VPS54: variants seen among roughly 807,000 people sequenced by gnomAD.
The protein encoded by VPS54 is vacuolar protein sorting-associated protein 54.
Under a neutral mutation model 121.5 loss-of-function variants are expected in VPS54, and 45 were observed. The observed-to-expected ratio is 0.37, with a 90% CI of 0.29 to 0.47. The LOEUF (loss-of-function observed/expected upper bound fraction) is 0.47, where lower values mean the gene tolerates loss of function less well. Among genes scored for constraint, VPS54 ranks in the 20% least tolerant of loss-of-function variants. VPS54 has a pLI of 0.99. For synonymous variants in VPS54, 371 were observed against 385.8 expected, an observed-to-expected ratio of 0.96 and a Z score of 0.45; for missense variants, 1,090 against 1,131.4, an observed-to-expected ratio of 0.96 and a Z score of 0.52.
Position 63,962,566 on chromosome 2 carries a change from T to C in VPS54, c.625-123A>G, listed in dbSNP as rs1204806990. On this transcript the variant is annotated intron_variant, in intron 6 of 22. Transcript: ENST00000272322. ...TTTAAATTCCATTGTGTGAATTGTT[T>C]GATTGTGAGATCCTTGAAATTGGGC... 2.5e-6 allele frequency: 3 copies of C among 1,223,552 alleles called. No homozygotes were observed. The African/African-American group carries it at 4.6e-5, about 19-fold the overall frequency. The allele number at this position is 1,223,552 out of a possible 1,614,324, so 75.8% of individuals were successfully genotyped here.
intron 1 of VPS54, among the ~76,000 whole-genome samples, chr2:63,996,074 A>C (rs1015386629): frequency 3.3e-5 from 5 of 152,208 alleles, no homozygotes; most frequent in African/African-American, 7.2e-5. Context: ...CCTGCGTCAA[A>C]ATCGAGAGAA....
At chr2:63,931,295 A>AT (rs1199288075) in intron 12 of VPS54, among the ~76,000 whole-genome samples, 1 of 152,236 alleles carries the variant, frequency 6.6e-6, no homozygotes, top group Non-Finnish European at 1.5e-5. Flanking sequence ...TGATACCGGT[A>AT]CCAAAACAGA....
At chr2:63,902,169 A>G (rs1204023858) in intron 20 of VPS54, among the ~76,000 whole-genome samples, 1 of 152,230 alleles carries the variant, frequency 6.6e-6, no homozygotes, top group Non-Finnish European at 1.5e-5. Flanking sequence ...TGGAGACCAG[A>G]CAAGAAGAAC....
Position 63,968,863 on chromosome 2 carries a change from C to CAAA in VPS54, c.492+91_492+93dup, listed in dbSNP as rs34977697. The CAAA allele has an allele frequency of 5.4e-3, 4,979 of 913,584 alleles. 172 individuals carry two copies. In the African/African-American group the frequency reaches 0.086, roughly 16 times the overall value. The allele number at this position is 913,584 out of a possible 1,614,324, so 56.6% of individuals were successfully genotyped here. A position where few individuals can be genotyped will look rare whatever the true frequency, so the allele number is the denominator to read the frequency against. On this transcript the variant is annotated intron_variant, in intron 5 of 22. Coordinates refer to ENST00000272322, the MANE Select transcript of VPS54 (RefSeq NM_016516.3). ...ACAAGAGACAAAGTAGCCAAAGGGT[C>CAAA]AAAAAAAAAAAAAAGCCAAATGAAA...
intron 20 of VPS54, among the ~76,000 whole-genome samples, chr2:63,901,703 T>C (rs570477562): frequency 4.6e-5 from 7 of 152,162 alleles, no homozygotes; most frequent in South Asian, 4.2e-4. Flanking sequence ...GGTCACGGTG[T>C]GAAGCCAGGA....
intron 16 of VPS54, among the ~76,000 whole-genome samples, chr2:63,914,922 T>A (rs1223253729): frequency 2.0e-5 from 3 of 151,442 alleles, no homozygotes; most frequent in East Asian, 3.9e-4. Context: ...TCACTGGAGG[T>A]CGGGAGTTCG....
intron 12 of VPS54, 57 bp from the exon 13 acceptor site, chr2:63,921,392 C>T (rs1169093001): frequency 1.9e-6 from 3 of 1,552,404 alleles, no homozygotes; most frequent in South Asian, 1.2e-5. Context: ...GTATTCTCCA[C>T]AGGTGACCTA....
chr2:63,963,055 T>A (rs1038426490), intron 6 of VPS54, among the ~76,000 whole-genome samples: 7 of 152,172 alleles, frequency 4.6e-5, no homozygotes, highest in Non-Finnish European at 1.0e-4. Flanking sequence ...TATTATACCA[T>A]TCTGCCTCAA....
At chr2:63,945,351 A>C (rs1194050910) in intron 9 of VPS54, among the ~76,000 whole-genome samples, 3 of 152,210 alleles carry the variant, frequency 2.0e-5, no homozygotes, top group African/African-American at 7.2e-5. Context: ...GAGAACACAC[A>C]GACACATAGA....
Position 63,898,969 on chromosome 2 carries a change from C to CT in VPS54, c.2733+504dup, listed in dbSNP as rs560743612. Among the ~76,000 whole-genome samples, 129 of 152,206 alleles carry CT rather than the reference C, an allele frequency of 8.5e-4. 1 individual carries two copies. Among genetic ancestry groups the CT allele is most frequent in the African/African-American group, 3.1e-3 (127 of 41,524 alleles). ...CTTCATAGCTGAGAGGTGTCAAAGA[C>CT]TCCCCCACCCTCCATTTTGCTCTTT... On this transcript the variant is annotated intron_variant, in intron 21 of 22. Coordinates refer to ENST00000272322, the MANE Select transcript of VPS54 (RefSeq NM_016516.3).
In VPS54 at chr2:63,892,589, G is replaced by A. The variant is rs1672266106; in HGVS notation, c.*841C>T. 6.6e-6 allele frequency: 1 copy of A among 152,478 alleles called. No individual in the cohort carries two copies. Among genetic ancestry groups the A allele is most frequent in the Non-Finnish European group, 1.5e-5 (1 of 68,000 alleles). The allele number at this position is 152,478 out of a possible 1,614,324, so 9.4% of individuals were successfully genotyped here. On this transcript the variant is annotated 3_prime_UTR_variant, in exon 23 of 23. Transcript: ENST00000272322. ...GAACTCAAAAGTAGGCAGATTATATGAATACATATTCTTACCTCTGCTACA... is the reference window on the plus strand; with the variant it reads ...GAACTCAAAAGTAGGCAGATTATATAAATACATATTCTTACCTCTGCTACA...
chr2:63,935,002 G>C (rs1298793051), intron 11 of VPS54, among the ~76,000 whole-genome samples: 2 of 152,146 alleles, frequency 1.3e-5, no homozygotes, highest in Non-Finnish European at 2.9e-5. Flanking sequence ...TAGGGAAGCA[G>C]ACTCTAACTT....
intron 1 of VPS54, among the ~76,000 whole-genome samples, chr2:63,990,526 C>T (rs975101556): frequency 6.6e-6 from 1 of 152,084 alleles, no homozygotes; most frequent in South Asian, 2.1e-4. Context: ...CCTCTCTGTA[C>T]CCTTCTTCAC....
At position 63,897,599 on chromosome 2, in the gene VPS54, GAAAT is replaced by G. The variant is rs371623284; in HGVS notation, c.2734-13_2734-10del. ...ATTCTTAAAAATAACATCTGAAAAA[GAAAT>G]AAAACTAAGTTTCTTAAAGTTCTAC... On this transcript the variant is annotated splice_polypyrimidine_tract_variant and intron_variant, in intron 21 of 22. Coordinates refer to ENST00000272322, the MANE Select transcript of VPS54 (RefSeq NM_016516.3). The G allele has an allele frequency of 4.0e-4, 578 of 1,436,330 alleles. 4 individuals carry two copies. The East Asian group carries it at 8.2e-3, about 20-fold the overall frequency. The allele number at this position is 1,436,330 out of a possible 1,614,324, so 89.0% of individuals were successfully genotyped here. A position where few individuals can be genotyped will look rare whatever the true frequency, so the allele number is the denominator to read the frequency against.
intron 20 of VPS54, among the ~76,000 whole-genome samples, chr2:63,906,700 G>A (rs1672918262): frequency 6.6e-6 from 1 of 152,142 alleles, no homozygotes; most frequent in African/African-American, 2.4e-5. Flanking sequence ...TTTCTGGCTA[G>A]CAGGTGCAAT....
intron 12 of VPS54, among the ~76,000 whole-genome samples, chr2:63,927,174 C>T (rs1389905315): frequency 6.6e-6 from 1 of 152,178 alleles, no homozygotes; most frequent in Non-Finnish European, 1.5e-5. Flanking sequence ...GCACAGTGTT[C>T]GAGCTCTGAT....
chr2:63,983,765 T>C, intron 2 of VPS54, 99 bp downstream of exon 2: 2 of 1,414,648 alleles, frequency 1.4e-6, no homozygotes, highest in Non-Finnish European at 9.4e-7. Context: ...TTTAACATCA[T>C]AAAATTTACT....
At chr2:64,009,216 C>T (rs1371869139) in intron 1 of VPS54, among the ~76,000 whole-genome samples, 3 of 152,188 alleles carry the variant, frequency 2.0e-5, no homozygotes, top group East Asian at 1.9e-4. Flanking sequence ...ATAACTGTTA[C>T]TTATGTTCAT....
intron 9 of VPS54, among the ~76,000 whole-genome samples, chr2:63,945,285 C>G (rs1674925214): frequency 6.6e-6 from 1 of 152,146 alleles, no homozygotes; most frequent in Admixed American, 6.5e-5. Context: ...CAAACTAACA[C>G]AGAAACTGAA....
Sources: allele counts gnomAD v4.1 joint callset (sites outside exome capture counted in the v4.1 genomes callset), GRCh38; gene constraint gnomAD v4.1.1; transcripts MANE v1.5; gene names NCBI Gene and HGNC (gene_info 2026-07-23, HGNC 2026-07-21).